BBOX1: variants seen among roughly 807,000 people sequenced by gnomAD.
BBOX1 encodes gamma-butyrobetaine dioxygenase.
BBOX1 carries 35 observed loss-of-function variants against 41.6 expected under a neutral mutation model. The observed-to-expected ratio is 0.84, with a 90% confidence interval of 0.64 to 1.11. BBOX1 has a LOEUF of 1.11. Among genes scored for constraint, BBOX1 ranks in the 50% most tolerant of loss-of-function variants. BBOX1 has a pLI of 0.00. For missense variants in BBOX1, 458 were observed against 460.6 expected (o/e 0.99, Z 0.05); for synonymous variants, 163 against 154.7 (o/e 1.05, Z -0.40).
chr11:27,064,739 G>T (rs1335966183), intron 4 of BBOX1, among the ~76,000 whole-genome samples: 1 of 152,128 alleles, frequency 6.6e-6, no homozygotes, highest in East Asian at 1.9e-4. Context: ...TGGGAAAGGA[G>T]TGGCAGCGAC....
intron 5 of BBOX1, among the ~76,000 whole-genome samples, chr11:27,095,509 T>A (rs1239189593): frequency 6.6e-6 from 1 of 151,960 alleles, no homozygotes; most frequent in Non-Finnish European, 1.5e-5. Context: ...CCATTCCATG[T>A]CCCTTATGGG....
intron 4 of BBOX1, among the ~76,000 whole-genome samples, chr11:27,086,649 C>T (rs1858051069): frequency 6.6e-6 from 1 of 152,066 alleles, no homozygotes; most frequent in South Asian, 2.1e-4. Flanking sequence ...CATTCTGCAG[C>T]CCAGGGAGCA....
intron 4 of BBOX1, among the ~76,000 whole-genome samples, chr11:27,085,632 A>C (rs529432800): frequency 6.7e-6 from 1 of 149,868 alleles, no homozygotes; most frequent in African/African-American, 2.5e-5. Context: ...ACAATATTTA[A>C]GTTAGGCAAA....
At chr11:27,090,084 G>A (rs1042896203) in intron 4 of BBOX1, among the ~76,000 whole-genome samples, 12 of 151,892 alleles carry the variant, frequency 7.9e-5, no homozygotes, top group South Asian at 6.2e-4. Flanking sequence ...AATCAATCCC[G>A]TTTTCTTTTG....
chr11:27,098,443 C>A (rs978975878), intron 5 of BBOX1, among the ~76,000 whole-genome samples: 4 of 152,066 alleles, frequency 2.6e-5, no homozygotes, highest in African/African-American at 9.7e-5. Context: ...AAACTCTTAA[C>A]ATAAAGTAAG....
intron 4 of BBOX1, among the ~76,000 whole-genome samples, chr11:27,086,477 T>A (rs1858043614): frequency 6.6e-6 from 1 of 152,106 alleles, no homozygotes; most frequent in South Asian, 2.1e-4. Context: ...ACAGCATGGC[T>A]TACTGAATAT....
chr11:27,055,385 T>C lies in BBOX1; in HGVS notation c.-38-8T>C. On this transcript the variant is annotated splice_region_variant and splice_polypyrimidine_tract_variant and intron_variant, in intron 2 of 8. Transcript: ENST00000263182. ...CCTGAGATTCCTTTTAACACTGATT[T>C]GTCATAGCAGGTAGCTGACAGCATC... 6.3e-7 allele frequency: 1 copy of C among 1,579,862 alleles called. No individual in the cohort carries two copies. Among genetic ancestry groups the C allele is most frequent in the Non-Finnish European group, 8.7e-7 (1 of 1,152,610 alleles).
chr11:27,058,348 C>T (rs1857046188), intron 4 of BBOX1, among the ~76,000 whole-genome samples: 1 of 152,154 alleles, frequency 6.6e-6, no homozygotes, highest in Non-Finnish European at 1.5e-5. Flanking sequence ...ATAAATTACC[C>T]AGTCTCAGGT....
chr11:27,060,773 C>T (rs1250631644), intron 4 of BBOX1, among the ~76,000 whole-genome samples: 1 of 152,144 alleles, frequency 6.6e-6, no homozygotes, highest in African/African-American at 2.4e-5. Flanking sequence ...TTGGTTCCTC[C>T]ATTTCTTTAG....
chr11:27,110,627 A>G (rs1392088173), intron 5 of BBOX1, among the ~76,000 whole-genome samples: 2 of 151,928 alleles, frequency 1.3e-5, no homozygotes, highest in African/African-American at 4.8e-5. Flanking sequence ...GGAAAATGCC[A>G]CCTATTCATA....
At chr11:27,079,846 C>A (rs1386481314) in intron 4 of BBOX1, among the ~76,000 whole-genome samples, 3 of 152,088 alleles carry the variant, frequency 2.0e-5, no homozygotes, top group Non-Finnish European at 2.9e-5. Context: ...CAGGCTTACC[C>A]TTGACTACTG....
In BBOX1 at chr11:27,055,631, G is replaced by C; in HGVS notation, c.201G>C (p.Leu67Phe). ...ATGTGAACATTGGAATTAAAGGCTTGATATTTGACAGAAAAAAGGTAATTA... is the reference window on the plus strand; with the variant it reads ...ATGTGAACATTGGAATTAAAGGCTTCATATTTGACAGAAAAAAGGTAATTA... ...ALDVNIGIKG[L>F]IFDRKKVYIT... The change falls in exon 3 of 9, where the codon TTG becomes TTC. Residue 67 changes from leucine (L) to phenylalanine (F), a missense_variant. Leu to Phe is a conservative substitution (Grantham distance 22). Coordinates refer to ENST00000263182, the MANE Select transcript of BBOX1 (RefSeq NM_003986.3). 1.2e-6 allele frequency: 2 copies of C among 1,613,156 alleles called. No individual in the cohort carries two copies. Among genetic ancestry groups the C allele is most frequent in the South Asian group, 2.2e-5 (2 of 90,966 alleles).
intron 2 of BBOX1, among the ~76,000 whole-genome samples, chr11:27,054,119 G>C (rs1856897767): frequency 6.6e-6 from 1 of 152,058 alleles, no homozygotes; most frequent in Non-Finnish European, 1.5e-5. Flanking sequence ...GAAGGACAGG[G>C]AGCAATTTTA....
intron 4 of BBOX1, among the ~76,000 whole-genome samples, chr11:27,078,087 C>T (rs1345796261): frequency 6.6e-6 from 1 of 152,094 alleles, no homozygotes; most frequent in African/African-American, 2.4e-5. Flanking sequence ...TTGCCTCCTG[C>T]ATGACTTATT....
intron 2 of BBOX1, among the ~76,000 whole-genome samples, chr11:27,045,464 A>G (rs1272846583): frequency 6.6e-6 from 1 of 152,124 alleles, no homozygotes; most frequent in East Asian, 1.9e-4. Flanking sequence ...TTCCAATACT[A>G]TGTTGAATAG....
chr11:27,113,888 C>G (rs187733374), intron 5 of BBOX1, among the ~76,000 whole-genome samples: 2 of 150,694 alleles, frequency 1.3e-5, no homozygotes, highest in East Asian at 2.0e-4. Flanking sequence ...GATTCAACAT[C>G]GCACCAATAT....
intron 7 of BBOX1, among the ~76,000 whole-genome samples, chr11:27,121,606 G>T (rs1478155030): frequency 1.3e-5 from 2 of 152,090 alleles, no homozygotes; most frequent in East Asian, 3.9e-4. Context: ...TGTATAAACA[G>T]ATTGTTTTCG....
intron 5 of BBOX1, among the ~76,000 whole-genome samples, chr11:27,106,991 G>A (rs564252896): frequency 1.3e-5 from 2 of 152,158 alleles, no homozygotes; most frequent in East Asian, 3.9e-4. Flanking sequence ...AATGACTACT[G>A]GGTACATAGT....
chr11:27,127,237 C>T, intron 8 of BBOX1, 56 bp from the exon 9 acceptor site: 1 of 1,554,984 alleles, frequency 6.4e-7, no homozygotes, highest in Admixed American at 1.8e-5. Flanking sequence ...CATTTTCTAG[C>T]TCTGTAAGTC....
Sources: gnomAD v4.1 joint callset for allele counts (sites outside exome capture counted in the v4.1 genomes callset) on GRCh38, gnomAD v4.1.1 for gene constraint, MANE v1.5 for transcripts, NCBI Gene and HGNC (gene_info 2026-07-23, HGNC 2026-07-21) for gene names.